The following EML3 variants were observed in gnomAD, a reference collection of about 807,000 sequenced individuals.
EML3 encodes EMAP like 3.
A neutral mutation model predicts 106.7 loss-of-function variants in EML3; 53 were observed. That is an observed-to-expected ratio of 0.50 (90% CI 0.40 to 0.62). The LOEUF is 0.62. Among genes scored for constraint, EML3 ranks in the 20% least tolerant of loss-of-function variants. EML3 has a pLI of 0.00. For missense variants in EML3, 994 were observed against 1,209.1 expected (o/e 0.82, Z 2.64); for synonymous variants, 499 against 489.6 (o/e 1.02, Z -0.25).
chr11:62,609,300 A>C, intron 6 of EML3, 54 bp downstream of exon 6: 1 of 1,538,050 alleles, frequency 6.5e-7, no homozygotes, highest in Non-Finnish European at 8.7e-7. Flanking sequence ...TAAAGGTAAG[A>C]GGGGTCCCAA....
In EML3 at chr11:62,611,569, T is replaced by C. The variant is rs1304363003; in HGVS notation, c.50A>G (p.Gln17Arg). 1 of 1,613,702 alleles carries C rather than the reference T, an allele frequency of 6.2e-7. No individual in the cohort carries two copies. Among genetic ancestry groups the C allele is most frequent in the Admixed American group, 1.7e-5 (1 of 60,004 alleles). The change falls in exon 2 of 22, where the codon CAG becomes CGG. Residue 17 changes from glutamine to arginine, a missense_variant. By Grantham distance (43) the Gln-to-Arg change is conservative (BLOSUM62 1). Transcript: ENST00000394773. ...CACCCGAAGCCGCTGGCTCAGAGAC[T>C]GGAGGGCCTCCCGAGCAGGGCCGTC... ...PGDGPAREALQSLSQRLRVQE... is the reference protein window; with the variant it reads ...PGDGPAREALRSLSQRLRVQE...
In EML3 at chr11:62,604,124, C is replaced by T; in HGVS notation, c.2060G>A (p.Arg687Gln). Reference sequence around the variant, plus strand: ...GGGGTGGCTCCCACCTGGGCTGTACCGGACCACTGAGAGCTGCTCATTGCC... The same window carrying T: ...GGGGTGGCTCCCACCTGGGCTGTACTGGACCACTGAGAGCTGCTCATTGCC... ...IDGNEQLSVV[R>Q]YSPDGLYLAI... is the part of the protein sequence containing the mutation. The change falls in exon 17 of 22, where the codon CGG (arginine) becomes CAG (glutamine). Residue 687 changes from arginine to glutamine, a missense_variant. Physicochemically the swap from Arg to Gln is conservative, Grantham distance 43 (BLOSUM62 1). Coordinates refer to ENST00000394773, the MANE Select transcript of EML3 (RefSeq NM_153265.3). The T allele has an allele frequency of 4.3e-6, 7 of 1,613,976 alleles. No individual in the cohort carries two copies. Among genetic ancestry groups the T allele is most frequent in the Non-Finnish European group, 5.9e-6 (7 of 1,179,994 alleles).
chr11:62,603,407 T>C (rs1414847532), intron 19 of EML3, among the ~76,000 whole-genome samples, 160 bp from the exon 20 acceptor site: 1 of 152,196 alleles, frequency 6.6e-6, no homozygotes, highest in Non-Finnish European at 1.5e-5. Flanking sequence ...ACCCACCCTG[T>C]GTGCGTCCTG....
Position 62,602,314 on chromosome 11 carries a change from T to C in EML3, c.*161A>G, listed in dbSNP as rs770732117. On this transcript the variant is annotated 3_prime_UTR_variant, in exon 22 of 22. Transcript: ENST00000394773. ...TCAGCCAGCGGGTCTAAACAGTGTG[T>C]GCAGGGGCGCCGTTCGCGCCCTCCA... 1.3e-6 allele frequency: 2 copies of C among 1,550,270 alleles called. No individual in the cohort carries two copies. Among genetic ancestry groups the C allele is most frequent in the African/African-American group, 1.4e-5 (1 of 72,976 alleles).
intron 7 of EML3, 58 bp from the exon 8 acceptor site, chr11:62,608,863 T>G: frequency 6.4e-7 from 1 of 1,573,238 alleles, no homozygotes; most frequent in Non-Finnish European, 8.6e-7. Flanking sequence ...CCAAGACACC[T>G]TCTCCAAGCT....
chr11:62,609,207 T>G, intron 6 of EML3, 75 bp from the exon 7 acceptor site: 1 of 1,596,154 alleles, frequency 6.3e-7, no homozygotes, highest in Non-Finnish European at 8.5e-7. Flanking sequence ...AGACAGAGCT[T>G]CTGGCTGGCA....
At chr11:62,608,145 C>G in intron 10 of EML3, 56 bp downstream of exon 10, 2 of 1,542,470 alleles carry the variant, frequency 1.3e-6, no homozygotes, top group Non-Finnish European at 1.8e-6. Flanking sequence ...GCTCCCTGCA[C>G]TCCACCACTC....
At position 62,609,694 on chromosome 11, in the gene EML3, C is replaced by T. The variant is rs143147555; in HGVS notation, c.569G>A (p.Arg190His). ...GCTGGAGAGGGGGTCTTTTCCCCCA[C>T]GGCTGTTGGGAAGAGAGAAAGCACA... ...LLVRSGSTES[R>H]GGKDPLSSPG... Residue 190 changes from arginine (R) to histidine (H), a missense_variant and splice_region_variant, in exon 5 of 22, where the codon CGT becomes CAT. Physicochemically the swap from Arg to His is conservative, Grantham distance 29. Transcript: ENST00000394773. The T allele has an allele frequency of 2.7e-4, 430 of 1,597,036 alleles. 1 individual carries two copies. Among genetic ancestry groups the T allele is most frequent in the Non-Finnish European group, 5.9e-5 (69 of 1,172,806 alleles).
In EML3 at chr11:62,607,098, T is replaced by A; in HGVS notation, c.1364A>T (p.Lys455Ile). 1.9e-6 allele frequency: 3 copies of A among 1,613,742 alleles called. No homozygotes were observed. Among genetic ancestry groups the A allele is most frequent in the Non-Finnish European group, 2.5e-6 (3 of 1,179,864 alleles). The change falls in exon 12 of 22, where the codon AAA becomes ATA. Residue 455 changes from lysine to isoleucine, a missense_variant and splice_region_variant. Transcript: ENST00000394773. Reference protein sequence around the residue: ...TLTRKQGVFGKYKKPKFIPCF... With the variant: ...TLTRKQGVFGIYKKPKFIPCF... ...AGGGATAAACTTGGGTTTCTTGTATTTCTAGTGGGAGGGGAGAGCAGACAG... is the reference window on the plus strand; with the variant it reads ...AGGGATAAACTTGGGTTTCTTGTATATCTAGTGGGAGGGGAGAGCAGACAG...
At position 62,602,526 on chromosome 11, in the gene EML3, G is replaced by A; in HGVS notation, c.2640C>T (p.Ala880=). Residue 880 remains alanine, a synonymous_variant, in exon 22 of 22, where the codon GCC becomes GCT. Coordinates refer to ENST00000394773, the MANE Select transcript of EML3 (RefSeq NM_153265.3). ...LGAGGAGPAP[A]TPSRTPSLSP... ...ACAGGGAGGGGGTTCGAGAGGGCGT[G>A]GCGGGCGCCGGCCCCGCGCCCCCAG... The A allele has an allele frequency of 6.7e-7, 1 of 1,493,292 alleles. No individual in the cohort carries two copies. Among genetic ancestry groups the A allele is most frequent in the Non-Finnish European group, 8.9e-7 (1 of 1,121,632 alleles). 92.5% of individuals were successfully genotyped at this position (1,493,292 alleles called of 1,614,324 possible).
Position 62,602,604 on chromosome 11 carries a change from G to C in EML3, c.2562C>G (p.Leu854=). Reference sequence around the variant, plus strand: ...TGGCGTCCTTGCCGCCCAGCGAGACGAGGTGCGAGTCGTCGTGCGTGAATC... The same window carrying C: ...TGGCGTCCTTGCCGCCCAGCGAGACCAGGTGCGAGTCGTCGTGCGTGAATC... ...SVRFTHDDSH[L]VSLGGKDASI... Residue 854 remains leucine, a synonymous_variant, in exon 22 of 22, where the codon CTC becomes CTG. Transcript: ENST00000394773. 1 of 1,564,108 alleles carries C rather than the reference G, an allele frequency of 6.4e-7. No individual in the cohort carries two copies. The highest frequency in any genetic ancestry group is 8.6e-7 in the Non-Finnish European group (1 of 1,157,892).
At chr11:62,606,874 A>T in intron 12 of EML3, 84 bp downstream of exon 12, 1 of 1,395,214 alleles carries the variant, frequency 7.2e-7, no homozygotes, top group Non-Finnish European at 9.6e-7. Context: ...AAAAAAAAAA[A>T]GATGGGAATG....
rs767675480 is a variant in EML3 at position 62,603,905 on chromosome 11, G to C, written c.2169+39C>G. 3 of 1,612,512 alleles carry C rather than the reference G, an allele frequency of 1.9e-6. No individual in the cohort carries two copies. The Admixed American group carries it at 5.0e-5, about 27-fold the overall frequency. On this transcript the variant is annotated intron_variant, in intron 18 of 21. Transcript: ENST00000394773. ...ATGCATCAGACCCCTGAGTTTCGCA[G>C]CTGTTATCATGCCCCACCACACACC... is the stretch of plus-strand genomic sequence containing the variant.
At chr11:62,611,860 G>A (rs948445330) in intron 1 of EML3, 4 of 510,736 alleles carry the variant, frequency 7.8e-6, no homozygotes, top group South Asian at 5.2e-5. Flanking sequence ...ATGGAGTACC[G>A]GGGGGGAAAT....
At chr11:62,606,876 A>ATT in intron 12 of EML3, 82 bp downstream of exon 12, 17 of 1,200,184 alleles carry the variant, frequency 1.4e-5, no homozygotes, top group Non-Finnish European at 1.9e-5. Context: ...AAAAAAAAAG[A>ATT]TGGGAATGGG....
chr11:62,607,007 C>G lies in EML3; in HGVS notation c.1455G>C (p.Trp485Cys). The G allele has an allele frequency of 6.2e-7, 1 of 1,614,188 alleles. No individual in the cohort carries two copies. The highest frequency in any genetic ancestry group is 8.5e-7 in the Non-Finnish European group (1 of 1,180,016). Reference sequence around the variant, plus strand: ...TCTTGGAATCTGAAGGGCTCCGCCCCCAGGTGAGAATGTTCCCCTCTGAGT... The same window carrying G: ...TCTTGGAATCTGAAGGGCTCCGCCCGCAGGTGAGAATGTTCCCCTCTGAGT... ...TGDSEGNILT[W>C]GRSPSDSKTP... The change falls in exon 12 of 22, where the codon TGG becomes TGC. Residue 485 changes from tryptophan to cysteine, a missense_variant. Transcript: ENST00000394773.
In EML3 at chr11:62,605,611, G is replaced by T. The variant is rs1431325978; in HGVS notation, c.1914+31C>A. 6 of 1,515,812 alleles carry T rather than the reference G, an allele frequency of 4.0e-6. No homozygotes were observed. Among genetic ancestry groups the T allele is most frequent in the South Asian group, 1.3e-5 (1 of 75,474 alleles). The allele number at this position is 1,515,812 out of a possible 1,614,324, so 93.9% of individuals were successfully genotyped here. A position where few individuals can be genotyped will look rare whatever the true frequency, so the allele number is the denominator to read the frequency against. On this transcript the variant is annotated intron_variant, in intron 15 of 21. Transcript: ENST00000394773. The surrounding 1 kb of genome is among the most constrained non-coding windows in gnomAD (Gnocchi z 5.2). ...GGCCACAGGTGTCCTGGTGGGTGTG[G>T]CATGGGGGATCCAGGGGCACAGGGC...
At position 62,609,643 on chromosome 11, in the gene EML3, C is replaced by T. The variant is rs770321554; in HGVS notation, c.620G>A (p.Ser207Asn). ...TCTTTACATACCCAAATTGTAATTG[C>T]TCCTCCGAGATCCAGGGCCCCCAGG... ...SSPGGPGSRRSNYNLEGISVK... is the reference protein window; with the variant it reads ...SSPGGPGSRRNNYNLEGISVK... Residue 207 changes from serine (S) to asparagine (N), a missense_variant, in exon 5 of 22, where the codon AGC becomes AAC. By Grantham distance (46) the Ser-to-Asn change is conservative (BLOSUM62 1). Around this residue, in one of 3 missense-constraint regions of EML3, gnomAD observed 269 missense variants for 265.1 expected, o/e 1.01. Transcript: ENST00000394773. 5.0e-6 allele frequency: 8 copies of T among 1,608,174 alleles called. No homozygotes were observed. The highest frequency in any genetic ancestry group is 2.2e-5 in the East Asian group (1 of 44,612).
rs554951585 is a variant in EML3 at position 62,605,440 on chromosome 11, G to A, written c.1914+202C>T. ...AGGAAGTCTGAGGGGTTCTGGGGGC[G>A]GCAGGGAGTGCCCAGGTGGTACTAG... On this transcript the variant is annotated intron_variant, in intron 15 of 21. Coordinates refer to ENST00000394773, the MANE Select transcript of EML3 (RefSeq NM_153265.3). This position sits in a 1 kb window ranked among gnomAD's most constrained non-coding sequence, Gnocchi z 5.2. Among the ~76,000 whole-genome samples, 25 of 152,262 alleles carry A rather than the reference G, an allele frequency of 1.6e-4. No individual in the cohort carries two copies. The highest frequency in any genetic ancestry group is 1.2e-3 in the South Asian group (6 of 4,828).
Sources: gnomAD v4.1 joint callset for allele counts (sites outside exome capture counted in the v4.1 genomes callset) on GRCh38, gnomAD v4.1.1 for gene constraint, gnomAD v4.1.1 regional missense constraint, Gnocchi (gnomAD v3.1) non-coding constraint, MANE v1.5 for transcripts, NCBI Gene and HGNC (gene_info 2026-07-23, HGNC 2026-07-21) for gene names.